SULT6B1: variants seen among roughly 807,000 people sequenced by gnomAD.
SULT6B1 encodes sulfotransferase family 6B member 1.
SULT6B1 carries 44 observed loss-of-function variants against 37.2 expected under a neutral mutation model. The observed-to-expected ratio is 1.18, with a 90% confidence interval of 0.93 to 1.52. The LOEUF (loss-of-function observed/expected upper bound fraction) is 1.52, where lower values mean the gene tolerates loss of function less well. SULT6B1 is among the 40% of genes most tolerant of loss of function. SULT6B1 has a pLI of 0.00. For missense variants in SULT6B1, 450 were observed against 361.0 expected (o/e 1.25, Z -2.00); for synonymous variants, 140 against 126.0 (o/e 1.11, Z -0.74).
intron 5 of SULT6B1, 62 bp downstream of exon 5, chr2:37,175,070 G>GT (rs1208940399): frequency 1.1e-6 from 1 of 924,144 alleles, no homozygotes; most frequent in Non-Finnish European, 1.6e-6. Context: ...GACATTATAA[G>GT]TAAGTGCTCT....
intron 6 of SULT6B1, among the ~76,000 whole-genome samples, chr2:37,169,486 G>T (rs771094633): frequency 3.3e-5 from 5 of 151,782 alleles, no homozygotes; most frequent in Admixed American, 1.3e-4. Context: ...TTGTTTTCTT[G>T]TTTTTGTTTT....
chr2:37,180,612 G>C lies in SULT6B1; in HGVS notation c.403-1028C>G, dbSNP rs74760399. ...ATGAAACTGACTGGGGGCTGGGCATGGTGGCTTATGCCTGTTATCCCAGCA... is the reference window on the plus strand; with the variant it reads ...ATGAAACTGACTGGGGGCTGGGCATCGTGGCTTATGCCTGTTATCCCAGCA... On this transcript the variant is annotated intron_variant, in intron 3 of 6. Coordinates refer to ENST00000535679, the MANE Select transcript of SULT6B1 (RefSeq NM_001367551.1). Among the ~76,000 whole-genome samples, 1,464 of 152,282 alleles carry C rather than the reference G, an allele frequency of 9.6e-3. 14 individuals are homozygous for C. Among genetic ancestry groups the C allele is most frequent in the Non-Finnish European group, 0.014 (939 of 68,028 alleles).
chr2:37,183,682 C>T (rs776716497), intron 2 of SULT6B1, among the ~76,000 whole-genome samples, 168 bp from the exon 3 acceptor site: 2 of 152,186 alleles, frequency 1.3e-5, no homozygotes, highest in Non-Finnish European at 2.9e-5. Context: ...CTCACTCTGT[C>T]GCCCAGGCTG....
In SULT6B1 at chr2:37,188,474, T is replaced by C. The variant is rs1327300167; in HGVS notation, c.167A>G (p.Asp56Gly). 1 of 1,614,128 alleles carries C rather than the reference T, an allele frequency of 6.2e-7. No homozygotes were observed. The highest frequency in any genetic ancestry group is 8.5e-7 in the Non-Finnish European group (1 of 1,179,998). ...TGGATAAGATGCTAGCACGATGTCA[T>C]CATGTCTGGCTTCGAAGGTGTCCAG... ...QALDTFEARHDDIVLASYPKC... is the reference protein window; with the variant it reads ...QALDTFEARHGDIVLASYPKC... The change falls in exon 1 of 7, where the codon GAT (aspartate) becomes GGT (glycine). Residue 56 changes from aspartate to glycine, a missense_variant. Asp to Gly is a moderately conservative substitution (Grantham distance 94). Coordinates refer to ENST00000535679, the MANE Select transcript of SULT6B1 (RefSeq NM_001367551.1).
intron 6 of SULT6B1, among the ~76,000 whole-genome samples, chr2:37,168,571 G>C (rs1001985778): frequency 6.6e-6 from 1 of 152,064 alleles, no homozygotes; most frequent in Admixed American, 6.6e-5. Context: ...ATCACTAGGG[G>C]GAGCCATCAG....
At chr2:37,168,216 G>C in intron 6 of SULT6B1, 151 bp from the exon 7 acceptor site, 1 of 721,740 alleles carries the variant, frequency 1.4e-6, no homozygotes, top group Admixed American at 4.3e-5. Context: ...TTCAGACGGT[G>C]TCTCGCTCTG....
In SULT6B1 at chr2:37,175,164, C is replaced by T; in HGVS notation, c.592G>A (p.Val198Ile). Residue 198 changes from valine to isoleucine, a missense_variant, in exon 5 of 7, where the codon GTT becomes ATT. Coordinates refer to ENST00000535679, the MANE Select transcript of SULT6B1 (RefSeq NM_001367551.1). ...NWNKHLDGDN[V>I]KFILYEDLKE... ...AGGTCTTCATATAATATGAACTTAA[C>T]ATTGTCGCCATCAAGATGTTTGTTC... 6.4e-7 allele frequency: 1 copy of T among 1,560,772 alleles called. No individual in the cohort carries two copies. The highest frequency in any genetic ancestry group is 8.7e-7 in the Non-Finnish European group (1 of 1,151,874).
At chr2:37,177,450 A>AG (rs751444346) in intron 4 of SULT6B1, among the ~76,000 whole-genome samples, 3,538 of 138,770 alleles carry the variant, frequency 0.025, 66 homozygotes, top group Middle Eastern at 0.062. Flanking sequence ...AAGAAAAAAA[A>AG]GAGAAGAATA....
chr2:37,170,870 G>A (rs975439836), intron 6 of SULT6B1, among the ~76,000 whole-genome samples: 1 of 151,894 alleles, frequency 6.6e-6, no homozygotes, highest in African/African-American at 2.4e-5. Context: ...CATAATAGTT[G>A]AGCTTCAGCT....
At chr2:37,178,682 T>C (rs1223755247) in intron 4 of SULT6B1, among the ~76,000 whole-genome samples, 1 of 152,226 alleles carries the variant, frequency 6.6e-6, no homozygotes, top group Admixed American at 6.5e-5. Context: ...GAGTTATCAA[T>C]AAACCAGAGA....
intron 3 of SULT6B1, 54 bp downstream of exon 3, chr2:37,183,371 C>T: frequency 7.3e-7 from 1 of 1,378,218 alleles, no homozygotes; most frequent in South Asian, 1.2e-5. Context: ...CTTCCAAAAA[C>T]TAATATCTAT....
intron 3 of SULT6B1, among the ~76,000 whole-genome samples, chr2:37,182,408 C>T (rs1457945430): frequency 3.9e-5 from 6 of 152,064 alleles, no homozygotes; most frequent in African/African-American, 1.4e-4. Context: ...CACGTGCTAT[C>T]ACACCTGGCT....
At chr2:37,179,962 G>A (rs1194105584) in intron 3 of SULT6B1, among the ~76,000 whole-genome samples, 1 of 152,186 alleles carries the variant, frequency 6.6e-6, no homozygotes, top group African/African-American at 2.4e-5. Flanking sequence ...TAATGTTTTA[G>A]AGTTGGTAGG....
At chr2:37,185,736 A>AAAAAAAAAAAAG (rs1676659979) in intron 2 of SULT6B1, among the ~76,000 whole-genome samples, 1 of 149,556 alleles carries the variant, frequency 6.7e-6, no homozygotes, top group Non-Finnish European at 1.5e-5. Context: ...AAAAAAAAAA[A>AAAAAAAAAAAAG]ACAGAGAGAG....
At chr2:37,186,005 C>T (rs1349434031) in intron 2 of SULT6B1, among the ~76,000 whole-genome samples, 6 of 152,082 alleles carry the variant, frequency 3.9e-5, no homozygotes, top group Admixed American at 2.0e-4. Flanking sequence ...ATCCAGGGCT[C>T]GGCACTTACC....
intron 3 of SULT6B1, 129 bp downstream of exon 3, chr2:37,183,296 C>G: frequency 1.4e-6 from 1 of 725,532 alleles, no homozygotes; most frequent in Non-Finnish European, 2.2e-6. Context: ...GAAACAAAAA[C>G]AAAAAAACTA....
intron 4 of SULT6B1, among the ~76,000 whole-genome samples, chr2:37,177,785 A>G (rs1353336969): frequency 1.3e-5 from 2 of 152,222 alleles, no homozygotes; most frequent in South Asian, 2.1e-4. Context: ...TGTATTAATC[A>G]TTTCATTGTG....
chr2:37,171,203 G>T (rs1412185870), intron 6 of SULT6B1, among the ~76,000 whole-genome samples: 1 of 152,102 alleles, frequency 6.6e-6, no homozygotes, highest in African/African-American at 2.4e-5. Flanking sequence ...TTGAGCCACT[G>T]CACTCCAGCC....
intron 6 of SULT6B1, among the ~76,000 whole-genome samples, chr2:37,169,017 A>AT (rs1367809023): frequency 1.3e-5 from 2 of 152,236 alleles, no homozygotes; most frequent in African/African-American, 4.8e-5. Flanking sequence ...GTGGAAGAAA[A>AT]TATGCCAGAA....
Sources: gnomAD v4.1 joint callset for allele counts (sites outside exome capture counted in the v4.1 genomes callset) on GRCh38, gnomAD v4.1.1 for gene constraint, MANE v1.5 for transcripts, NCBI Gene and HGNC (gene_info 2026-07-23, HGNC 2026-07-21) for gene names.